Variants in COL12A1 observed in about 807,000 individuals in gnomAD.
COL12A1 encodes the protein collagen type XII alpha 1 chain.
Under a neutral mutation model 349.7 loss-of-function variants are expected in COL12A1, and 114 were observed. The ratio of observed to expected loss-of-function variants is 0.33; its 90% CI spans 0.28 to 0.38. COL12A1 has a LOEUF of 0.38. COL12A1 is among the 10% of genes least tolerant of loss of function. The probability of loss-of-function intolerance (pLI) is 1.00; values close to 1 mark genes in which losing one functional copy is unlikely to be tolerated. For synonymous variants in COL12A1, 1,369 were observed against 1,329.0 expected, an observed-to-expected ratio of 1.03 and a Z score of -0.66; for missense variants, 3,284 against 3,756.9, an observed-to-expected ratio of 0.87 and a Z score of 3.29.
In COL12A1 at chr6:75,126,453, G is replaced by C. The variant is rs1366573056; in HGVS notation, c.6358C>G (p.Gln2120Glu). Residue 2120 changes from glutamine (Q) to glutamate (E), a missense_variant, in exon 39 of 66, where the codon CAG (glutamine) becomes GAG (glutamate). Physicochemically the swap from Gln to Glu is conservative, Grantham distance 29. Around this residue, in one of 2 missense-constraint regions of COL12A1, gnomAD observed 2,601 missense variants for 2,824.8 expected, o/e 0.92. Transcript: ENST00000322507. ...CATTCGTCAGAGATGTGTATGTTCT[G>C]AGGAGGAAGGAGTCCCACTGAAAAC... The part of the protein sequence containing the change: ...NGRTVGLLPP[Q>E]NIHISDEWYT... 3 of 1,610,196 alleles carry C rather than the reference G, an allele frequency of 1.9e-6. No individual in the cohort carries two copies. The highest frequency in any genetic ancestry group is 3.3e-5 in the Admixed American group (2 of 59,940).
Position 75,090,351 on chromosome 6 carries a change from G to C in COL12A1, c.8753-53C>G. 6.5e-7 allele frequency: 1 copy of C among 1,529,184 alleles called. No individual in the cohort carries two copies. The highest frequency in any genetic ancestry group is 1.4e-5 in the African/African-American group (1 of 72,882). 94.7% of individuals were successfully genotyped at this position (1,529,184 alleles called of 1,614,324 possible). ...AAGAAACCCAATAAAGGACGGATGA[G>C]AGAGTGAAACTGTTTTCTCTTAGTG... On this transcript the variant is annotated intron_variant, in intron 62 of 65. Transcript: ENST00000322507. This position sits in a 1 kb window ranked among gnomAD's most constrained non-coding sequence, Gnocchi z 4.1.
chr6:75,088,108 G>A (rs1767591000), intron 64 of COL12A1, among the ~76,000 whole-genome samples: 1 of 152,188 alleles, frequency 6.6e-6, no homozygotes, highest in Non-Finnish European at 1.5e-5. Context: ...ATCAAAAGAA[G>A]GCAGCGTCTG....
chr6:75,194,703 G>A (rs1178280634), intron 3 of COL12A1, 128 bp downstream of exon 3: 3 of 562,530 alleles, frequency 5.3e-6, no homozygotes, highest in Admixed American at 6.0e-5. Flanking sequence ...GCAAATGTCT[G>A]GTGACATGGA....
chr6:75,190,472 C>T (rs1296804688), intron 5 of COL12A1, among the ~76,000 whole-genome samples: 1 of 151,868 alleles, frequency 6.6e-6, no homozygotes, highest in Non-Finnish European at 1.5e-5. Context: ...TTAAATTTGA[C>T]AATTAAAACC....
intron 52 of COL12A1, among the ~76,000 whole-genome samples, chr6:75,107,285 T>C (rs1211220308): frequency 6.6e-6 from 1 of 152,018 alleles, no homozygotes; most frequent in Non-Finnish European, 1.5e-5. Context: ...GTTTTTGTTT[T>C]ATTTTGAGAT....
intron 38 of COL12A1, among the ~76,000 whole-genome samples, chr6:75,127,350 G>C (rs982946835): frequency 3.9e-5 from 6 of 152,136 alleles, no homozygotes; most frequent in African/African-American, 1.4e-4. Flanking sequence ...AGACTGAGCT[G>C]AGTCAACTCT....
Position 75,090,083 on chromosome 6 carries a change from C to G in COL12A1, c.8941+27G>C. ...TACATTTGCAAATTCCTTCCTTTAT[C>G]CCAATACAGAAGCCAGAAATGCCTA... On this transcript the variant is annotated intron_variant, in intron 63 of 65. Coordinates refer to ENST00000322507, the MANE Select transcript of COL12A1 (RefSeq NM_004370.6). The surrounding 1 kb of genome is among the most constrained non-coding windows in gnomAD (Gnocchi z 4.1). 1 of 1,611,000 alleles carries G rather than the reference C, an allele frequency of 6.2e-7. No homozygotes were observed. Among genetic ancestry groups the G allele is most frequent in the South Asian group, 1.1e-5 (1 of 90,890 alleles).
At chr6:75,140,802 T>C (rs1351337239) in intron 27 of COL12A1, among the ~76,000 whole-genome samples, 5 of 152,026 alleles carry the variant, frequency 3.3e-5, no homozygotes, top group Admixed American at 1.3e-4. Context: ...GACTATAGTA[T>C]CAGTCCCATC....
intron 58 of COL12A1, among the ~76,000 whole-genome samples, chr6:75,098,392 G>A (rs1156956173): frequency 6.6e-6 from 1 of 152,164 alleles, no homozygotes; most frequent in Non-Finnish European, 1.5e-5. Flanking sequence ...AATGGCTCAT[G>A]CCTGCAATCC....
rs1462922861 is a variant in COL12A1, at chr6:75,183,802, G to A, written c.1288+52C>T. ...TAAGTCCAAACAAGTAAGGCATTCT[G>A]TCAAACAGATCTTCACATATTCCAA... On this transcript the variant is annotated intron_variant, in intron 9 of 65. Coordinates refer to ENST00000322507, the MANE Select transcript of COL12A1 (RefSeq NM_004370.6). 1.9e-6 allele frequency: 3 copies of A among 1,593,148 alleles called. No individual in the cohort carries two copies. The East Asian group carries it at 6.7e-5, about 36-fold the overall frequency.
Position 75,119,119 on chromosome 6 carries a change from AG to A in COL12A1, c.7277del (p.Pro2426LeufsTer32). ...TWESGMRKNV[P>X]KVLVVVTDGR... is the part of the protein sequence containing the mutation. ...CGTCCGTGACCACAACCAACACCTT[AG>A]GGACATTCTTCCTCATGCCGCTCTC... On this transcript the variant is annotated frameshift_variant, in exon 46 of 66. Coordinates refer to ENST00000322507, the MANE Select transcript of COL12A1 (RefSeq NM_004370.6). LOFTEE classifies it high-confidence loss of function. The A allele has an allele frequency of 6.2e-7, 1 of 1,613,990 alleles. No homozygotes were observed. The highest frequency in any genetic ancestry group is 8.5e-7 in the Non-Finnish European group (1 of 1,179,924).
rs577784031 is a variant in COL12A1 at position 75,156,346 on chromosome 6, C to T, written c.3161G>A (p.Arg1054Gln). Residue 1054 changes from arginine (R) to glutamine (Q), a missense_variant, in exon 15 of 66, where the codon CGA becomes CAA. Arg to Gln is a conservative substitution (Grantham distance 43). Around this residue, in one of 2 missense-constraint regions of COL12A1, gnomAD observed 2,601 missense variants for 2,824.8 expected, o/e 0.92. Coordinates refer to ENST00000322507, the MANE Select transcript of COL12A1 (RefSeq NM_004370.6). ...GTCATATGTGGTCTGTGGCTGAAGT[C>T]GCTTTAACACTGTCGAAGTGACTGT... ...PPTVTSTVLK[R>Q]LQPQTTYDIT... 71 of 1,613,880 alleles carry T rather than the reference C, an allele frequency of 4.4e-5. 1 individual carries two copies. In the South Asian group the frequency reaches 6.0e-4, roughly 14 times the overall value.
At chr6:75,127,011 G>A (rs1346688357) in intron 38 of COL12A1, among the ~76,000 whole-genome samples, 1 of 152,058 alleles carries the variant, frequency 6.6e-6, no homozygotes, top group African/African-American at 2.4e-5. Context: ...AATCAATGCT[G>A]TTCAGGTAGT....
chr6:75,125,837 G>A (rs1251118694), intron 39 of COL12A1, among the ~76,000 whole-genome samples: 1 of 151,890 alleles, frequency 6.6e-6, no homozygotes, highest in Non-Finnish European at 1.5e-5. Flanking sequence ...TAAGAAATCT[G>A]CATTTTTCTT....
At chr6:75,123,891 C>T (rs962078175) in intron 42 of COL12A1, 57 bp downstream of exon 42, 9 of 1,542,546 alleles carry the variant, frequency 5.8e-6, no homozygotes, top group Non-Finnish European at 7.9e-6. Context: ...TCTTCCTTAC[C>T]TAGAGCATTC....
In COL12A1 at chr6:75,128,382, A is replaced by T. The variant is rs1352514155; in HGVS notation, c.6254T>A (p.Leu2085Gln). 6.2e-7 allele frequency: 1 copy of T among 1,609,520 alleles called. No homozygotes were observed. Among genetic ancestry groups the T allele is most frequent in the East Asian group, 2.2e-5 (1 of 44,658 alleles). ...GRRNNVILQP[L>Q]QPDTPYKITV... ...AATTTTATATGGAGTGTCAGGTTGC[A>T]GGGGCTGCAGTATTACATTGTTTCT... The change falls in exon 38 of 66, where the codon CTG (leucine) becomes CAG (glutamine). Residue 2085 changes from leucine to glutamine, a missense_variant. Leu to Gln is a moderately radical substitution (Grantham distance 113). Coordinates refer to ENST00000322507, the MANE Select transcript of COL12A1 (RefSeq NM_004370.6).
rs368153032 is a variant in COL12A1 at position 75,156,265 on chromosome 6, C to G, written c.3242G>C (p.Gly1081Ala). ...TAATTATTATTTCATACCTGTTGTTCCTGATCCTTGCCTAAGCTTTCCTTC... is the reference window on the plus strand; with the variant it reads ...TAATTATTATTTCATACCTGTTGTTGCTGATCCTTGCCTAAGCTTTCCTTC... Reference protein sequence around the residue: ...MGEGKLRQGSGTTASRFKSPR... With the variant: ...MGEGKLRQGSATTASRFKSPR... Residue 1081 changes from glycine (G) to alanine (A), a missense_variant, in exon 15 of 66, where the codon GGA becomes GCA. By Grantham distance (60) the Gly-to-Ala change is moderately conservative. Transcript: ENST00000322507. The G allele has an allele frequency of 8.1e-6, 13 of 1,613,634 alleles. No individual in the cohort carries two copies. The highest frequency in any genetic ancestry group is 2.5e-6 in the Non-Finnish European group (3 of 1,179,780).
Position 75,151,190 on chromosome 6 carries a change from C to T in COL12A1, c.4098G>A (p.Arg1366=), listed in dbSNP as rs771642899. 4.3e-6 allele frequency: 7 copies of T among 1,613,198 alleles called. No individual in the cohort carries two copies. Among genetic ancestry groups the T allele is most frequent in the Middle Eastern group, 1.6e-4 (1 of 6,080 alleles). ...YNVADFESLS[R]IVDDLTINLC... Reference sequence around the variant, plus strand: ...AATTAATGGTGAGATCATCCACTATCCTGGAGAGTGACTCAAAATCTGCCA... The same window carrying T: ...AATTAATGGTGAGATCATCCACTATTCTGGAGAGTGACTCAAAATCTGCCA... Residue 1366 remains arginine, a synonymous_variant, in exon 21 of 66, where the codon AGG becomes AGA. Transcript: ENST00000322507.
chr6:75,089,306 G>A (rs1403996524), intron 63 of COL12A1, 132 bp from the exon 64 acceptor site: 2 of 665,682 alleles, frequency 3.0e-6, no homozygotes, highest in Non-Finnish European at 4.8e-6. Flanking sequence ...TTTCACAGAA[G>A]TTCACTCTTT....
Sources: allele counts gnomAD v4.1 joint callset (sites outside exome capture counted in the v4.1 genomes callset), GRCh38; gene constraint gnomAD v4.1.1; regional missense constraint gnomAD v4.1.1; non-coding constraint Gnocchi (gnomAD v3.1); transcripts MANE v1.5; gene names NCBI Gene and HGNC (gene_info 2026-07-23, HGNC 2026-07-21).